Variants in RNF130 observed in about 807,000 individuals in gnomAD.
RNF130 encodes the protein ring finger protein 130, also known as E3 ubiquitin-protein ligase RNF130.
A neutral mutation model predicts 44.6 loss-of-function variants in RNF130; 21 were observed. That is an observed-to-expected ratio of 0.47 (90% confidence interval 0.33 to 0.68). RNF130 has a LOEUF of 0.68. Ranked by LOEUF, RNF130 falls within the 30% of genes least tolerant of loss-of-function variation. The pLI, the probability that RNF130 is intolerant of heterozygous loss-of-function variation, is 0.02. For missense variants in RNF130, 479 were observed against 560.6 expected, an observed-to-expected ratio of 0.85 and a Z score of 1.47; for synonymous variants, 214 against 210.4, an observed-to-expected ratio of 1.02 and a Z score of -0.15.
At chr5:179,987,247 A>G (rs1354549959) in intron 3 of RNF130, among the ~76,000 whole-genome samples, 1 of 151,940 alleles carries the variant, frequency 6.6e-6, no homozygotes, top group East Asian at 1.9e-4. Context: ...GGCTCACTGC[A>G]GCCTGGACCT....
intron 3 of RNF130, among the ~76,000 whole-genome samples, chr5:179,985,805 T>C (rs1244822652): frequency 6.6e-6 from 1 of 152,202 alleles, no homozygotes; most frequent in Non-Finnish European, 1.5e-5. Flanking sequence ...TTCTCTACCT[T>C]ACTAATAAAT....
intron 7 of RNF130, among the ~76,000 whole-genome samples, chr5:179,942,985 A>G (rs1488777398): frequency 6.6e-6 from 1 of 152,186 alleles, no homozygotes; most frequent in Non-Finnish European, 1.5e-5. Flanking sequence ...TCATGAGGTC[A>G]AGAGATCGAG....
intron 7 of RNF130, among the ~76,000 whole-genome samples, chr5:179,947,653 T>C (rs958898946): frequency 3.3e-5 from 5 of 152,232 alleles, no homozygotes; most frequent in Non-Finnish European, 5.9e-5. Context: ...TGCAAGGATT[T>C]AATGAGTTAA....
At chr5:180,025,911 G>A (rs931014811) in intron 2 of RNF130, among the ~76,000 whole-genome samples, 3 of 152,072 alleles carry the variant, frequency 2.0e-5, no homozygotes, top group Non-Finnish European at 4.4e-5. Flanking sequence ...TTACTGATAC[G>A]TAAAGGTATT....
At chr5:179,993,412 C>T (rs1314232300) in intron 3 of RNF130, among the ~76,000 whole-genome samples, 1 of 152,214 alleles carries the variant, frequency 6.6e-6, no homozygotes, top group African/African-American at 2.4e-5. Context: ...TAACAATCAC[C>T]ATTCTAACTG....
intron 5 of RNF130, among the ~76,000 whole-genome samples, chr5:179,975,284 A>G (rs1762693035): frequency 6.6e-6 from 1 of 152,226 alleles, no homozygotes; most frequent in South Asian, 2.1e-4. Context: ...GTGAGGCTTG[A>G]AGAGCCGCGC....
chr5:180,042,820 G>A (rs2113144070), intron 1 of RNF130, among the ~76,000 whole-genome samples: 1 of 152,184 alleles, frequency 6.6e-6, no homozygotes. Context: ...TCTTCCCTGT[G>A]GTCTCGCATA....
intron 3 of RNF130, among the ~76,000 whole-genome samples, chr5:179,982,844 A>G (rs1483584118): frequency 6.6e-6 from 1 of 152,192 alleles, no homozygotes; most frequent in Non-Finnish European, 1.5e-5. Flanking sequence ...TTGGCTTCCC[A>G]AAATGCTGAG....
chr5:180,030,848 A>G (rs1764116630), intron 2 of RNF130, among the ~76,000 whole-genome samples: 1 of 152,200 alleles, frequency 6.6e-6, no homozygotes, highest in South Asian at 2.1e-4. Context: ...AGGTTTATCC[A>G]TGTGTCAAGA....
chr5:179,946,963 A>G (rs1762051603), intron 7 of RNF130, among the ~76,000 whole-genome samples: 1 of 151,876 alleles, frequency 6.6e-6, no homozygotes, highest in South Asian at 2.1e-4. Context: ...CTGTTTTTTC[A>G]ACTCCTTGGC....
intron 1 of RNF130, among the ~76,000 whole-genome samples, chr5:180,054,391 G>A (rs1582224269): frequency 6.6e-6 from 1 of 152,070 alleles, no homozygotes; most frequent in South Asian, 2.1e-4. Flanking sequence ...TCCAGGCCAG[G>A]GTCAGATGCA....
chr5:179,969,250 G>C (rs1762528761), intron 6 of RNF130, among the ~76,000 whole-genome samples: 1 of 151,964 alleles, frequency 6.6e-6, no homozygotes, highest in Non-Finnish European at 1.5e-5. Context: ...TGTTGACCTG[G>C]CACCTGCCAC....
chr5:180,047,531 G>C (rs1447315737), intron 1 of RNF130, among the ~76,000 whole-genome samples: 1 of 152,146 alleles, frequency 6.6e-6, no homozygotes, highest in Non-Finnish European at 1.5e-5. Flanking sequence ...GATCACCTGA[G>C]GTCGGGAGTT....
intron 3 of RNF130, among the ~76,000 whole-genome samples, chr5:179,994,385 C>T (rs886299469): frequency 6.6e-5 from 10 of 152,112 alleles, no homozygotes; most frequent in Non-Finnish European, 8.8e-5. Context: ...TCTTTTATTT[C>T]GTTGAGCAGT....
intron 3 of RNF130, among the ~76,000 whole-genome samples, chr5:179,999,090 T>A (rs898266634): frequency 4.1e-5 from 6 of 147,400 alleles, no homozygotes; most frequent in Admixed American, 1.4e-4. Flanking sequence ...TGGTGTGATC[T>A]CAACTCACTG....
exon 8 of RNF130, chr5:179,915,908 A>T (rs1476471828): frequency 6.6e-6 from 1 of 151,772 alleles, no homozygotes; most frequent in Admixed American, 6.6e-5. Context: ...TCGCTCTCAC[A>T]CCCCAGTTGC....
At chr5:179,987,052 CTCTT>C (rs1762969457) in intron 3 of RNF130, among the ~76,000 whole-genome samples, 1 of 152,100 alleles carries the variant, frequency 6.6e-6, no homozygotes, top group African/African-American at 2.4e-5. Flanking sequence ...TTTTGGTGAA[CTCTT>C]TGTTTTTTTT....
chr5:179,940,025 T>C, intron 7 of RNF130: 1 of 224,324 alleles, frequency 4.5e-6, no homozygotes, highest in Non-Finnish European at 8.8e-6. Flanking sequence ...TCTCTCTGCT[T>C]CTTCTTTAGT....
At chr5:179,970,852 C>T (rs997819803) in intron 5 of RNF130, among the ~76,000 whole-genome samples, 3 of 152,232 alleles carry the variant, frequency 2.0e-5, no homozygotes, top group African/African-American at 7.2e-5. Flanking sequence ...CAATAGCTAA[C>T]ATAGAAAAAT....
Sources: gnomAD v4.1 joint callset for allele counts (sites outside exome capture counted in the v4.1 genomes callset) on GRCh38, gnomAD v4.1.1 for gene constraint, MANE v1.5 for transcripts, NCBI Gene and HGNC (gene_info 2026-07-23, HGNC 2026-07-21) for gene names.